NCOA1: variants seen among roughly 807,000 people sequenced by gnomAD.
NCOA1 encodes the protein nuclear receptor coactivator 1.
In NCOA1, 35 loss-of-function variants were observed where a neutral mutation model predicts 150.9. That is an observed-to-expected ratio of 0.23 (90% CI 0.18 to 0.31). NCOA1 has a LOEUF of 0.31. Among genes scored for constraint, NCOA1 ranks in the 10% least tolerant of loss-of-function variants. The pLI, the probability that NCOA1 is intolerant of heterozygous loss-of-function variation, is 1.00. For missense variants in NCOA1, 1,491 were observed against 1,749.3 expected (o/e 0.85, Z 2.63); for synonymous variants, 590 against 630.0 (o/e 0.94, Z 0.95).
At chr2:24,660,093 A>G (rs1021521000) in intron 5 of NCOA1, among the ~76,000 whole-genome samples, 2 of 152,230 alleles carry the variant, frequency 1.3e-5, no homozygotes, top group African/African-American at 4.8e-5. Flanking sequence ...AGAGACAATA[A>G]CCTGAGTACT....
At chr2:24,529,307 T>C (rs1572386612) in intron 1 of NCOA1, among the ~76,000 whole-genome samples, 1 of 152,236 alleles carries the variant, frequency 6.6e-6, no homozygotes, top group African/African-American at 2.4e-5. Flanking sequence ...ACTGCGTCAT[T>C]AATCAACATT....
chr2:24,753,266 A>G (rs1324870530), intron 20 of NCOA1, among the ~76,000 whole-genome samples: 1 of 151,296 alleles, frequency 6.6e-6, no homozygotes, highest in African/African-American at 2.4e-5. Flanking sequence ...TCCCTTGCCT[A>G]TCTCTCCCTC....
chr2:24,702,966 A>C (rs1273038053), intron 11 of NCOA1, among the ~76,000 whole-genome samples: 1 of 152,226 alleles, frequency 6.6e-6, no homozygotes, highest in Admixed American at 6.5e-5. Context: ...CTGTTGCCAT[A>C]AATAGTGTCT....
At chr2:24,718,883 G>C (rs1356046242) in intron 14 of NCOA1, among the ~76,000 whole-genome samples, 1 of 145,462 alleles carries the variant, frequency 6.9e-6, no homozygotes, top group Non-Finnish European at 1.5e-5. Flanking sequence ...AAAAAAAAAA[G>C]CCAGGTGTGG....
chr2:24,619,077 T>C (rs1036729841), intron 3 of NCOA1, among the ~76,000 whole-genome samples: 2 of 152,242 alleles, frequency 1.3e-5, no homozygotes, highest in African/African-American at 4.8e-5. Context: ...GTGTGATTTT[T>C]AAAACTCTTC....
intron 3 of NCOA1, among the ~76,000 whole-genome samples, chr2:24,604,889 G>T (rs1387698262): frequency 6.6e-6 from 1 of 152,142 alleles, no homozygotes; most frequent in African/African-American, 2.4e-5. Flanking sequence ...TTTTCTCTAA[G>T]CTTAATCATT....
intron 3 of NCOA1, among the ~76,000 whole-genome samples, chr2:24,619,567 C>A (rs988146660): frequency 2.0e-5 from 3 of 152,106 alleles, no homozygotes; most frequent in African/African-American, 7.2e-5. Flanking sequence ...AGACCCAGAG[C>A]CTTGACTTCA....
chr2:24,611,568 G>T (rs1165398274), intron 3 of NCOA1, among the ~76,000 whole-genome samples: 2 of 152,154 alleles, frequency 1.3e-5, no homozygotes, highest in Admixed American at 6.5e-5. Context: ...CACTAAAAAT[G>T]TATAAGCATT....
chr2:24,492,470 G>T (rs1041777638), intron 1 of NCOA1, among the ~76,000 whole-genome samples: 9 of 152,170 alleles, frequency 5.9e-5, no homozygotes, highest in African/African-American at 2.2e-4. Context: ...GGTAGACACT[G>T]CCCAGTCTGA....
chr2:24,499,623 A>C lies in NCOA1; in HGVS notation c.-396+8021A>C, dbSNP rs142008809. Among the ~76,000 whole-genome samples, 1,061 of 152,206 alleles carry C rather than the reference A, an allele frequency of 7.0e-3. 12 individuals carry two copies. The highest frequency in any genetic ancestry group is 0.024 in the African/African-American group (1,001 of 41,520). ...CAGTGGACTTGTTTGTTCGGTGTAA[A>C]AATGTCTCTTTGTATAAATATAAGT... is the stretch of plus-strand genomic sequence containing the variant. On this transcript the variant is annotated intron_variant, in intron 1 of 22. Transcript: ENST00000348332.
At chr2:24,721,691 G>A (rs1200552001) in intron 14 of NCOA1, among the ~76,000 whole-genome samples, 2 of 152,224 alleles carry the variant, frequency 1.3e-5, no homozygotes, top group African/African-American at 4.8e-5. Context: ...CAATGGCCTG[G>A]CAGCAGCTGT....
At chr2:24,543,850 T>A (rs139810925) in intron 1 of NCOA1, among the ~76,000 whole-genome samples, 71 of 152,198 alleles carry the variant, frequency 4.7e-4, no homozygotes, top group African/African-American at 1.6e-3. Flanking sequence ...GGGAATCTAT[T>A]GAAATATTTT....
At chr2:24,752,545 T>C (rs548673663) in intron 20 of NCOA1, among the ~76,000 whole-genome samples, 15 of 152,290 alleles carry the variant, frequency 9.8e-5, no homozygotes, top group African/African-American at 3.1e-4. Flanking sequence ...GTGATCTAGG[T>C]CCCCAACCTT....
At chr2:24,672,377 T>C (rs965978587) in intron 6 of NCOA1, among the ~76,000 whole-genome samples, 1 of 152,146 alleles carries the variant, frequency 6.6e-6, no homozygotes, top group Non-Finnish European at 1.5e-5. Flanking sequence ...ATTTTCTGTA[T>C]TTTTTGGAAT....
At position 24,693,236 on chromosome 2, in the gene NCOA1, G is replaced by A. The variant is rs531113278; in HGVS notation, c.713-16G>A. 6.5e-5 allele frequency: 104 copies of A among 1,611,580 alleles called. No homozygotes were observed. The highest frequency in any genetic ancestry group is 2.8e-4 in the Admixed American group (17 of 59,988). ...CTACTCTCTATCCTTCAATTTCCCC[G>A]TCTTGTTTTGGGCAGATTTCCAGTC... On this transcript the variant is annotated splice_polypyrimidine_tract_variant and intron_variant, in intron 9 of 22. Coordinates refer to ENST00000348332, the MANE Select transcript of NCOA1 (RefSeq NM_003743.5).
chr2:24,555,151 A>G (rs1213809120), intron 1 of NCOA1, among the ~76,000 whole-genome samples: 1 of 151,940 alleles, frequency 6.6e-6, no homozygotes, highest in East Asian at 1.9e-4. Context: ...ACAAACGTTG[A>G]TATTTTCTCT....
At chr2:24,739,172 G>A (rs538818279) in intron 17 of NCOA1, among the ~76,000 whole-genome samples, 1 of 152,182 alleles carries the variant, frequency 6.6e-6, no homozygotes, top group East Asian at 1.9e-4. Flanking sequence ...TTTTGAGACA[G>A]TCTCGCTCTG....
intron 3 of NCOA1, among the ~76,000 whole-genome samples, chr2:24,619,930 A>C (rs149244820): frequency 6.6e-6 from 1 of 152,102 alleles, no homozygotes; most frequent in Non-Finnish European, 1.5e-5. Context: ...ATTGCCTTTA[A>C]GTATCTTTGT....
At chr2:24,539,179 G>A (rs1325826543) in intron 1 of NCOA1, among the ~76,000 whole-genome samples, 1 of 152,080 alleles carries the variant, frequency 6.6e-6, no homozygotes, top group Admixed American at 6.6e-5. Context: ...GATGAAGCTG[G>A]TCTTGAACTC....
Sources: allele counts gnomAD v4.1 joint callset (sites outside exome capture counted in the v4.1 genomes callset), GRCh38; gene constraint gnomAD v4.1.1; transcripts MANE v1.5; gene names NCBI Gene and HGNC (gene_info 2026-07-23, HGNC 2026-07-21).